VWA8: variants seen among roughly 807,000 people sequenced by gnomAD.
The protein encoded by VWA8 is von Willebrand factor A domain containing 8.
In VWA8, 221 loss-of-function variants were observed where a neutral mutation model predicts 241.5. The observed-to-expected ratio is 0.91, with a 90% CI of 0.82 to 1.02. VWA8 has a LOEUF of 1.02. VWA8 is among the 50% of genes least tolerant of loss of function. The pLI, the probability that VWA8 is intolerant of heterozygous loss-of-function variation, is 0.00. For missense variants in VWA8, 2,322 were observed against 2,328.7 expected, an observed-to-expected ratio of 1.00 and a Z score of 0.06; for synonymous variants, 852 against 827.1, an observed-to-expected ratio of 1.03 and a Z score of -0.52.
chr13:41,723,228 T>C, intron 24 of VWA8, among the ~76,000 whole-genome samples: 1 of 152,212 alleles, frequency 6.6e-6, no homozygotes, highest in East Asian at 1.9e-4. Flanking sequence ...TCCTCTTCTA[T>C]AAGGCATCTC....
chr13:41,911,965 A>ATCT, intron 3 of VWA8, 73 bp downstream of exon 3: 1 of 1,341,786 alleles, frequency 7.5e-7, no homozygotes, highest in Non-Finnish European at 9.7e-7. Flanking sequence ...TTTTTTATAA[A>ATCT]TTCTTAATCT....
intron 4 of VWA8, among the ~76,000 whole-genome samples, chr13:41,895,990 C>A (rs1465238387): frequency 6.6e-6 from 1 of 151,820 alleles, no homozygotes; most frequent in Non-Finnish European, 1.5e-5. Flanking sequence ...ATCCATTAGA[C>A]AAATTGCCAG....
At chr13:41,887,077 A>C in intron 6 of VWA8, 120 bp downstream of exon 6, 1 of 1,201,024 alleles carries the variant, frequency 8.3e-7, no homozygotes, top group Non-Finnish European at 1.1e-6. Context: ...TTATTCTCAT[A>C]TCTTTCCATG....
At position 41,671,087 on chromosome 13, in the gene VWA8, C is replaced by T. The variant is rs1227579148; in HGVS notation, c.4470G>A (p.Leu1490=). ...WLSTISDTDA[L]LAEWDKSGVV... Reference sequence around the variant, plus strand: ...CACCGCTTTTGTCCCACTCAGCCAGCAGTGCATCTGTGTCTGAAATGGTCG... The same window carrying T: ...CACCGCTTTTGTCCCACTCAGCCAGTAGTGCATCTGTGTCTGAAATGGTCG... Residue 1490 remains leucine, a synonymous_variant, in exon 37 of 45, where the codon CTG becomes CTA. Transcript: ENST00000379310. 2 of 1,613,974 alleles carry T rather than the reference C, an allele frequency of 1.2e-6. No individual in the cohort carries two copies. The highest frequency in any genetic ancestry group is 1.7e-5 in the Admixed American group (1 of 60,022).
chr13:41,749,073 C>T (rs1010419146), intron 21 of VWA8, among the ~76,000 whole-genome samples: 1 of 152,124 alleles, frequency 6.6e-6, no homozygotes, highest in African/African-American at 2.4e-5. Context: ...GAACAGGCAA[C>T]CTACAGAATA....
intron 38 of VWA8, among the ~76,000 whole-genome samples, chr13:41,614,190 A>G (rs893958683): frequency 9.2e-5 from 14 of 152,246 alleles, no homozygotes; most frequent in African/African-American, 3.4e-4. Flanking sequence ...TTGATAGCAC[A>G]TTGTCTAAGC....
intron 26 of VWA8, among the ~76,000 whole-genome samples, chr13:41,707,396 G>A (rs987658270): frequency 2.6e-5 from 4 of 152,192 alleles, no homozygotes; most frequent in Admixed American, 2.6e-4. Context: ...GCAATTGGAA[G>A]TTGTTGACAT....
intron 12 of VWA8, among the ~76,000 whole-genome samples, chr13:41,848,396 C>T (rs1210763464): frequency 6.6e-6 from 1 of 152,166 alleles, no homozygotes; most frequent in Non-Finnish European, 1.5e-5. Flanking sequence ...GGTAATATGG[C>T]TTGGCTGTGT....
intron 37 of VWA8, among the ~76,000 whole-genome samples, chr13:41,644,270 C>A (rs960525751): frequency 1.3e-5 from 2 of 150,982 alleles, no homozygotes; most frequent in African/African-American, 4.9e-5. Flanking sequence ...CTTGTACCAC[C>A]CCCGCCAAAA....
intron 26 of VWA8, among the ~76,000 whole-genome samples, chr13:41,706,114 A>C (rs140552178): frequency 6.6e-6 from 1 of 152,266 alleles, no homozygotes; most frequent in East Asian, 1.9e-4. Context: ...TAAATGCTTT[A>C]AAAAAATAAA....
chr13:41,869,833 C>T (rs926135117), intron 9 of VWA8, among the ~76,000 whole-genome samples: 2 of 151,720 alleles, frequency 1.3e-5, no homozygotes, highest in Non-Finnish European at 2.9e-5. Flanking sequence ...ACAGCATGCT[C>T]AATATAAAAA....
chr13:41,721,525 GCTC>G lies in VWA8; in HGVS notation c.2806_2808del (p.Glu936del), dbSNP rs2045391228. 4 of 1,613,786 alleles carry G rather than the reference GCTC, an allele frequency of 2.5e-6. No individual in the cohort carries two copies. In the East Asian group the frequency reaches 8.9e-5, roughly 36 times the overall value. On this transcript the variant is annotated inframe_deletion, in exon 25 of 45. Transcript: ENST00000379310. ...GGTCCATACTGTCTGAGCATCTCGA[GCTC>G]CGAGTGGGGTTTGGGGTTATCAACT...
At chr13:41,930,190 CAT>C (rs1484502161) in intron 2 of VWA8, among the ~76,000 whole-genome samples, 1 of 152,154 alleles carries the variant, frequency 6.6e-6, no homozygotes, top group African/African-American at 2.4e-5. Context: ...TACCACCTCA[CAT>C]GTGTTAGCAC....
intron 9 of VWA8, among the ~76,000 whole-genome samples, 171 bp from the exon 10 acceptor site, chr13:41,868,648 G>A (rs1332250159): frequency 6.6e-6 from 1 of 152,018 alleles, no homozygotes; most frequent in African/African-American, 2.4e-5. Context: ...AACTTTGGGA[G>A]GCCAAGGCGG....
At chr13:41,881,949 C>T (rs1366872815) in intron 9 of VWA8, among the ~76,000 whole-genome samples, 3 of 148,968 alleles carry the variant, frequency 2.0e-5, no homozygotes, top group East Asian at 2.0e-4. Context: ...TGGGCGGAGA[C>T]GCTCCTCACT....
chr13:41,797,396 CAT>C (rs1218151303), intron 17 of VWA8, among the ~76,000 whole-genome samples: 2 of 152,078 alleles, frequency 1.3e-5, no homozygotes, highest in African/African-American at 4.8e-5. Context: ...ACAAATGTCT[CAT>C]GTGTGCTTGA....
chr13:41,877,427 T>C (rs140334215), intron 9 of VWA8, among the ~76,000 whole-genome samples: 7 of 152,112 alleles, frequency 4.6e-5, no homozygotes, highest in African/African-American at 1.7e-4. Flanking sequence ...CATATTAAAA[T>C]AGTTATTTAT....
intron 20 of VWA8, 139 bp from the exon 21 acceptor site, chr13:41,761,343 T>C (rs1401393132): frequency 1.2e-5 from 9 of 736,866 alleles, no homozygotes; most frequent in Non-Finnish European, 2.0e-5. Flanking sequence ...AAAACCAAAC[T>C]GGCAAACATA....
intron 42 of VWA8, among the ~76,000 whole-genome samples, chr13:41,582,493 T>C (rs1399723944): frequency 6.6e-6 from 1 of 152,160 alleles, no homozygotes; most frequent in Non-Finnish European, 1.5e-5. Flanking sequence ...CATTAAGAAC[T>C]GTCTGGAACT....
Sources: allele counts gnomAD v4.1 joint callset (sites outside exome capture counted in the v4.1 genomes callset), GRCh38; gene constraint gnomAD v4.1.1; transcripts MANE v1.5; gene names NCBI Gene and HGNC (gene_info 2026-07-23, HGNC 2026-07-21).